GABRA3: variants seen among roughly 807,000 people sequenced by gnomAD.
The protein encoded by GABRA3 is gamma-aminobutyric acid receptor subunit alpha-3.
Under a neutral mutation model 30.1 loss-of-function variants are expected in GABRA3, and 10 were observed. The ratio of observed to expected loss-of-function variants is 0.33; its 90% CI spans 0.20 to 0.56. GABRA3 has a LOEUF of 0.56. Among genes scored for constraint, GABRA3 ranks in the 20% least tolerant of loss-of-function variants. The pLI is 0.89. For missense variants in GABRA3, 233 were observed against 392.0 expected (o/e 0.59, Z 3.42); for synonymous variants, 151 against 146.8 (o/e 1.03, Z -0.21).
At chrX:152,296,924 C>A (rs915811144) in intron 3 of GABRA3, among the ~76,000 whole-genome samples, 2 of 110,700 alleles carry the variant, frequency 1.8e-5, no homozygotes, top group African/African-American at 6.6e-5. Flanking sequence ...GTATTGAACT[C>A]CTGACCTCAA....
At chrX:152,411,521 C>T (rs1181593061) in intron 1 of GABRA3, among the ~76,000 whole-genome samples, 1 of 111,132 alleles carries the variant, frequency 9.0e-6, no homozygotes, top group Non-Finnish European at 1.9e-5. Flanking sequence ...AACTGGATAT[C>T]CATATGCAAA....
chrX:152,359,546 A>G (rs1185957184), intron 2 of GABRA3, among the ~76,000 whole-genome samples: 1 of 108,701 alleles, frequency 9.2e-6, no homozygotes, highest in Non-Finnish European at 1.9e-5. Flanking sequence ...TTGCATCTCA[A>G]TTTCCTTCAG....
chrX:152,398,792 C>G (rs940734758), intron 1 of GABRA3, among the ~76,000 whole-genome samples: 8 of 111,032 alleles, frequency 7.2e-5, no homozygotes, highest in Admixed American at 5.7e-4. Flanking sequence ...AGCATACAAC[C>G]ATGTTGTGTG....
intron 5 of GABRA3, among the ~76,000 whole-genome samples, chrX:152,240,684 T>G (rs1326669852): frequency 9.9e-6 from 1 of 101,085 alleles, no homozygotes; most frequent in African/African-American, 4.0e-5. Flanking sequence ...CTTGGAGGCT[T>G]TGCTCATATC....
intron 3 of GABRA3, among the ~76,000 whole-genome samples, chrX:152,289,794 G>A (rs1435312793): frequency 3.6e-5 from 4 of 109,946 alleles, no homozygotes; most frequent in Non-Finnish European, 7.6e-5. Context: ...GCAATAATTT[G>A]CTCAGAATGA....
At chrX:152,438,979 A>G (rs1930848975) in intron 1 of GABRA3, among the ~76,000 whole-genome samples, 1 of 111,116 alleles carries the variant, frequency 9.0e-6, no homozygotes, top group Admixed American at 9.6e-5. Flanking sequence ...ACGTGAGTTA[A>G]TAATAATATA....
chrX:152,253,981 AT>A (rs1303757873), intron 5 of GABRA3, among the ~76,000 whole-genome samples: 1 of 111,874 alleles, frequency 8.9e-6, no homozygotes, highest in Admixed American at 9.5e-5. Flanking sequence ...ACCCTGCTCT[AT>A]ATTCCAATAA....
At chrX:152,281,422 C>T (rs1939196970) in intron 4 of GABRA3, among the ~76,000 whole-genome samples, 1 of 111,902 alleles carries the variant, frequency 8.9e-6, no homozygotes, top group Non-Finnish European at 1.9e-5. Flanking sequence ...AGCTATGATG[C>T]TTTGTGTGAC....
At chrX:152,278,881 T>C (rs999244815) in intron 4 of GABRA3, among the ~76,000 whole-genome samples, 2 of 112,474 alleles carry the variant, frequency 1.8e-5, no homozygotes, top group Non-Finnish European at 3.8e-5. Flanking sequence ...CATTTTTTCA[T>C]GTGTCTTTTG....
intron 7 of GABRA3, among the ~76,000 whole-genome samples, chrX:152,206,714 G>A (rs1312358733): frequency 2.7e-5 from 3 of 111,263 alleles, no homozygotes; most frequent in Non-Finnish European, 1.9e-5. Context: ...TCCCACCACC[G>A]GCTACCTCTA....
Position 152,345,668 on chromosome X carries a change from C to A in GABRA3, c.175G>T (p.Asp59Tyr). The A allele has an allele frequency of 1.7e-6, 2 of 1,202,856 alleles. No individual in the cohort carries two copies. The highest frequency in any genetic ancestry group is 2.2e-6 in the Non-Finnish European group (2 of 891,764). ...SPKHAPDIPD[D>Y]STDNITIFTR... Reference sequence around the variant, plus strand: ...AAGATAGTGATGTTGTCAGTGCTGTCATCAGGAATATCTGGGGCATGCTTA... The same window carrying A: ...AAGATAGTGATGTTGTCAGTGCTGTAATCAGGAATATCTGGGGCATGCTTA... The change falls in exon 3 of 10, where the codon GAC becomes TAC. Residue 59 changes from aspartate to tyrosine, a missense_variant. Asp to Tyr is a radical substitution (Grantham distance 160). Transcript: ENST00000370314.
Position 152,308,691 on chromosome X carries a change from C to G in GABRA3, c.263-23956G>C, listed in dbSNP as rs1372078991. 2.7e-5 allele frequency among the ~76,000 whole-genome samples: 3 copies of G among 112,301 alleles called. No individual in the cohort carries two copies. The Admixed American group carries it at 2.8e-4, about 11-fold the overall frequency. ...AAGATTAGAGGAACACCAGCCCACACAGATGAGAAAGAACCAGCTCAAGAA... is the reference window on the plus strand; with the variant it reads ...AAGATTAGAGGAACACCAGCCCACAGAGATGAGAAAGAACCAGCTCAAGAA... On this transcript the variant is annotated intron_variant, in intron 3 of 9. Coordinates refer to ENST00000370314, the MANE Select transcript of GABRA3 (RefSeq NM_000808.4).
At chrX:152,423,715 T>TCAAC (rs1214821831) in intron 1 of GABRA3, among the ~76,000 whole-genome samples, 18 of 111,376 alleles carry the variant, frequency 1.6e-4, no homozygotes, top group Non-Finnish European at 3.2e-4. Flanking sequence ...GAAGAAAATA[T>TCAAC]CAACATTCCT....
Position 152,282,364 on chromosome X carries a change from A to C in GABRA3, c.330+2304T>G, listed in dbSNP as rs779742656. ...AAGTCAGAAGACTGCCTAAAGCTTTACCCAAATGCATCCCTGGCCCTGGGA... is the reference window on the plus strand; with the variant it reads ...AAGTCAGAAGACTGCCTAAAGCTTTCCCCAAATGCATCCCTGGCCCTGGGA... On this transcript the variant is annotated intron_variant, in intron 4 of 9. Transcript: ENST00000370314. Among the ~76,000 whole-genome samples the C allele has an allele frequency of 1.8e-4, 20 of 111,044 alleles. No homozygotes were observed. In the East Asian group the frequency reaches 4.0e-3, roughly 22 times the overall value.
chrX:152,349,241 G>GT (rs59108592), intron 2 of GABRA3, among the ~76,000 whole-genome samples: 13,246 of 110,230 alleles, frequency 0.12, 670 homozygotes, highest in African/African-American at 0.17. Flanking sequence ...ATCCCTTCAA[G>GT]TTTTTTCACG....
At chrX:152,424,072 G>T (rs930423163) in intron 1 of GABRA3, among the ~76,000 whole-genome samples, 2 of 110,934 alleles carry the variant, frequency 1.8e-5, no homozygotes, top group Non-Finnish European at 3.8e-5. Context: ...TTTGTATTGT[G>T]TATCTTTATT....
chrX:152,221,155 T>C (rs1464839049), intron 6 of GABRA3, among the ~76,000 whole-genome samples: 1 of 111,801 alleles, frequency 8.9e-6, no homozygotes, highest in Admixed American at 9.5e-5. Flanking sequence ...GTCTATGTCC[T>C]GTGTAAGCAG....
At chrX:152,326,867 T>C (rs758707036) in intron 3 of GABRA3, among the ~76,000 whole-genome samples, 3 of 111,500 alleles carry the variant, frequency 2.7e-5, no homozygotes, top group South Asian at 7.6e-4. Context: ...TATCCTTAAA[T>C]GTAAATGGGC....
At chrX:152,236,634 C>A (rs1200046632) in intron 5 of GABRA3, among the ~76,000 whole-genome samples, 1 of 107,884 alleles carries the variant, frequency 9.3e-6, no homozygotes, top group Admixed American at 1.0e-4. Context: ...GTTCCTATTT[C>A]TCCACATCTT....
Sources: allele counts gnomAD v4.1 joint callset (sites outside exome capture counted in the v4.1 genomes callset), GRCh38; gene constraint gnomAD v4.1.1; transcripts MANE v1.5; gene names NCBI Gene and HGNC (gene_info 2026-07-23, HGNC 2026-07-21).